FSTL4: variants seen among roughly 807,000 people sequenced by gnomAD.
FSTL4 encodes the protein follistatin-related protein 4.
FSTL4 carries 28 observed loss-of-function variants against 78.2 expected under a neutral mutation model. The ratio of observed to expected loss-of-function variants is 0.36; its 90% CI spans 0.27 to 0.49. The LOEUF is 0.49. Ranked by LOEUF, FSTL4 falls within the 20% of genes least tolerant of loss-of-function variation. The probability of loss-of-function intolerance (pLI) is 0.98; values close to 1 mark genes in which losing one functional copy is unlikely to be tolerated. For synonymous variants in FSTL4, 422 were observed against 440.5 expected, an observed-to-expected ratio of 0.96 and a Z score of 0.53; for missense variants, 922 against 1,084.9, an observed-to-expected ratio of 0.85 and a Z score of 2.11.
intron 3 of FSTL4, among the ~76,000 whole-genome samples, chr5:133,506,990 C>CT (rs1422379321): frequency 2.0e-5 from 3 of 152,090 alleles, no homozygotes; most frequent in African/African-American, 7.2e-5. Context: ...GGTGGATTAC[C>CT]TGAGGTCAGG....
chr5:133,756,609 G>A, the FSTL4 span, among the ~76,000 whole-genome samples: 1 of 152,088 alleles, frequency 6.6e-6, no homozygotes, highest in East Asian at 1.9e-4. Context: ...CCCCACCTTG[G>A]TCTTCACTTC....
At chr5:133,230,601 A>G (rs977280892) in intron 8 of FSTL4, among the ~76,000 whole-genome samples, 1 of 151,706 alleles carries the variant, frequency 6.6e-6, no homozygotes, top group Non-Finnish European at 1.5e-5. Flanking sequence ...GGGTAAGATG[A>G]CTCCTCACTG....
At chr5:133,535,868 A>C (rs978307264) in intron 3 of FSTL4, among the ~76,000 whole-genome samples, 3 of 152,240 alleles carry the variant, frequency 2.0e-5, no homozygotes, top group Non-Finnish European at 2.9e-5. Context: ...GTGAAGAGGA[A>C]GTAAACATTC....
the FSTL4 span, among the ~76,000 whole-genome samples, chr5:133,764,838 C>T: frequency 5.9e-5 from 9 of 152,042 alleles, no homozygotes; most frequent in Non-Finnish European, 1.2e-4. Flanking sequence ...CAGATTCTTA[C>T]AGGTGAGCCT....
intron 3 of FSTL4, among the ~76,000 whole-genome samples, chr5:133,494,952 A>T (rs1180954233): frequency 1.3e-5 from 2 of 152,238 alleles, no homozygotes; most frequent in Non-Finnish European, 2.9e-5. Flanking sequence ...TACGTTTAGT[A>T]AATATTTTGA....
At chr5:133,662,797 C>T in the FSTL4 span, among the ~76,000 whole-genome samples, 1 of 152,180 alleles carries the variant, frequency 6.6e-6, no homozygotes, top group Non-Finnish European at 1.5e-5. Flanking sequence ...TCTTCAGGTA[C>T]TGGCTGTGGG....
chr5:133,234,823 G>A (rs1215051008), intron 7 of FSTL4, among the ~76,000 whole-genome samples: 2 of 152,358 alleles, frequency 1.3e-5, no homozygotes, highest in Admixed American at 6.5e-5. Flanking sequence ...CTTATGTGGT[G>A]TTGGGAGATC....
At chr5:133,820,132 T>C in the FSTL4 span, among the ~76,000 whole-genome samples, 1 of 152,210 alleles carries the variant, frequency 6.6e-6, no homozygotes, top group Non-Finnish European at 1.5e-5. Context: ...CGCAGAGGCC[T>C]GTGTCCTCCA....
At chr5:133,425,456 A>G (rs977014278) in intron 3 of FSTL4, among the ~76,000 whole-genome samples, 1 of 152,210 alleles carries the variant, frequency 6.6e-6, no homozygotes, top group African/African-American at 2.4e-5. Flanking sequence ...AGTTGTGCTG[A>G]GATATTAAGA....
At chr5:133,728,776 C>A in the FSTL4 span, among the ~76,000 whole-genome samples, 1 of 149,402 alleles carries the variant, frequency 6.7e-6, no homozygotes, top group African/African-American at 2.5e-5. Context: ...AGATAGTGTT[C>A]TTTAATTGTG....
intron 6 of FSTL4, among the ~76,000 whole-genome samples, chr5:133,279,643 C>T (rs1752967259): frequency 6.6e-6 from 1 of 152,174 alleles, no homozygotes; most frequent in African/African-American, 2.4e-5. Context: ...GGAGGGGCCA[C>T]AGGGCTGGTA....
At chr5:133,486,671 C>G (rs1454248160) in intron 3 of FSTL4, among the ~76,000 whole-genome samples, 1 of 152,052 alleles carries the variant, frequency 6.6e-6, no homozygotes, top group East Asian at 1.9e-4. Context: ...CTGCAAAAAC[C>G]TAGAAACGGC....
At chr5:133,575,848 T>C (rs895988723) in intron 2 of FSTL4, among the ~76,000 whole-genome samples, 1 of 152,258 alleles carries the variant, frequency 6.6e-6, no homozygotes, top group South Asian at 2.1e-4. Context: ...TATTATAGTA[T>C]AAATCACACT....
At chr5:133,532,700 G>A (rs896347830) in intron 3 of FSTL4, among the ~76,000 whole-genome samples, 4 of 152,158 alleles carry the variant, frequency 2.6e-5, no homozygotes, top group Non-Finnish European at 4.4e-5. Context: ...GTAAACATAC[G>A]CTGGATTTGC....
chr5:133,759,377 C>T, the FSTL4 span, among the ~76,000 whole-genome samples: 1 of 152,126 alleles, frequency 6.6e-6, no homozygotes, highest in Admixed American at 6.6e-5. Context: ...GCCCTTTCAG[C>T]GAAATGTGGT....
At chr5:133,669,755 C>T in the FSTL4 span, among the ~76,000 whole-genome samples, 1 of 152,202 alleles carries the variant, frequency 6.6e-6, no homozygotes, top group Non-Finnish European at 1.5e-5. Context: ...GTGCCTCTGC[C>T]TTCTACAGCC....
intron 3 of FSTL4, among the ~76,000 whole-genome samples, chr5:133,435,831 C>T (rs1345848522): frequency 6.6e-6 from 1 of 152,204 alleles, no homozygotes; most frequent in African/African-American, 2.4e-5. Context: ...AATGGCATCC[C>T]TTTTTCTCAT....
intron 4 of FSTL4, among the ~76,000 whole-genome samples, chr5:133,378,246 T>C (rs2126950470): frequency 6.6e-6 from 1 of 152,316 alleles, no homozygotes; most frequent in South Asian, 2.1e-4. Flanking sequence ...ACAGTATAAA[T>C]ATACATTTAT....
At chr5:133,648,527 C>T in the FSTL4 span, among the ~76,000 whole-genome samples, 1 of 152,166 alleles carries the variant, frequency 6.6e-6, no homozygotes, top group African/African-American at 2.4e-5. Context: ...TAAAAGTAGG[C>T]ATTCATCAAC....
Sources: allele counts gnomAD v4.1 joint callset (sites outside exome capture counted in the v4.1 genomes callset), GRCh38; gene constraint gnomAD v4.1.1; transcripts MANE v1.5; gene names NCBI Gene and HGNC (gene_info 2026-07-23, HGNC 2026-07-21).